Variants in ZDHHC17 observed in about 807,000 individuals in gnomAD.
ZDHHC17 encodes the protein zDHHC palmitoyltransferase 17.
In ZDHHC17, 40 loss-of-function variants were observed where a neutral mutation model predicts 90.3. The observed-to-expected ratio is 0.44, with a 90% CI of 0.34 to 0.58. The LOEUF is 0.58. ZDHHC17 is among the 20% of genes least tolerant of loss of function. The probability of loss-of-function intolerance (pLI) is 0.01; values close to 1 mark genes in which losing one functional copy is unlikely to be tolerated. For missense variants in ZDHHC17, 614 were observed against 780.8 expected (o/e 0.79, Z 2.55); for synonymous variants, 235 against 252.4 (o/e 0.93, Z 0.65).
At chr12:76,779,410 C>CCTT (rs1175443196) in intron 1 of ZDHHC17, among the ~76,000 whole-genome samples, 2 of 152,104 alleles carry the variant, frequency 1.3e-5, no homozygotes, top group East Asian at 3.9e-4. Context: ...CAAGGAGGAG[C>CCTT]AAAGTCACGT....
chr12:76,820,396 T>C (rs1020035718), intron 7 of ZDHHC17, among the ~76,000 whole-genome samples: 10 of 152,324 alleles, frequency 6.6e-5, no homozygotes, highest in Middle Eastern at 3.4e-3. Context: ...TGGTAGTATC[T>C]CATTTGTGAT....
At chr12:76,825,906 C>A (rs941277957) in intron 8 of ZDHHC17, among the ~76,000 whole-genome samples, 1 of 152,070 alleles carries the variant, frequency 6.6e-6, no homozygotes, top group Non-Finnish European at 1.5e-5. Context: ...CTTGACTTCC[C>A]TGGGCTCAGG....
At chr12:76,801,391 T>G (rs547911159) in intron 2 of ZDHHC17, among the ~76,000 whole-genome samples, 51 of 151,766 alleles carry the variant, frequency 3.4e-4, no homozygotes, top group Middle Eastern at 3.4e-3. Context: ...CGGTGGCTCA[T>G]GCCTGTAATC....
In ZDHHC17 at chr12:76,806,479, A is replaced by C. The variant is rs116530809; in HGVS notation, c.320+1040A>C. Among the ~76,000 whole-genome samples the C allele has an allele frequency of 3.2e-3, 490 of 152,250 alleles. 1 individual carries two copies. Among genetic ancestry groups the C allele is most frequent in the African/African-American group, 0.011 (467 of 41,532 alleles). ...ATTCAAGGACCAGAGGGTTTAAATG[A>C]AAATGAAATATAGGCCTGCGCCTAT... On this transcript the variant is annotated intron_variant, in intron 3 of 16. Transcript: ENST00000426126.
At chr12:76,786,269 A>AT (rs1484289618) in intron 1 of ZDHHC17, among the ~76,000 whole-genome samples, 1 of 151,432 alleles carries the variant, frequency 6.6e-6, no homozygotes, top group South Asian at 2.1e-4. Flanking sequence ...AGCCTGGCTA[A>AT]TTTTTTTTAT....
intron 1 of ZDHHC17, among the ~76,000 whole-genome samples, chr12:76,785,353 A>AT (rs1044712593): frequency 3.3e-5 from 5 of 151,800 alleles, no homozygotes; most frequent in Non-Finnish European, 5.9e-5. Context: ...TTTTGATTCC[A>AT]TTTTTTTTGC....
At chr12:76,764,575 A>AG (rs1367293603) in intron 1 of ZDHHC17, 1 of 568,678 alleles carries the variant, frequency 1.8e-6, no homozygotes, top group South Asian at 2.0e-5. Context: ...ACAGAGGTGG[A>AG]GGTGTTGATG....
intron 1 of ZDHHC17, among the ~76,000 whole-genome samples, chr12:76,768,501 C>T (rs1057069615): frequency 1.3e-5 from 2 of 152,170 alleles, no homozygotes; most frequent in African/African-American, 4.8e-5. Context: ...CATATGTTTT[C>T]CAGAAGGTAA....
chr12:76,805,312 T>C lies in ZDHHC17; in HGVS notation c.198-5T>C. The C allele has an allele frequency of 1.9e-6, 3 of 1,588,988 alleles. No individual in the cohort carries two copies. The highest frequency in any genetic ancestry group is 8.6e-7 in the Non-Finnish European group (1 of 1,165,510). On this transcript the variant is annotated splice_polypyrimidine_tract_variant and splice_region_variant and intron_variant, in intron 2 of 16. Transcript: ENST00000426126. Reference sequence around the variant, plus strand: ...TAACAATGCCATATTTTCTTTCTTTTCTAGATATGGAATATATGAACGCTG... The same window carrying C: ...TAACAATGCCATATTTTCTTTCTTTCCTAGATATGGAATATATGAACGCTG...
At chr12:76,797,070 C>A (rs1217147899) in intron 1 of ZDHHC17, among the ~76,000 whole-genome samples, 2 of 151,954 alleles carry the variant, frequency 1.3e-5, no homozygotes, top group Non-Finnish European at 2.9e-5. Context: ...GGAGACCATC[C>A]TGGCTAACAT....
At chr12:76,821,482 C>T (rs1022275766) in intron 7 of ZDHHC17, among the ~76,000 whole-genome samples, 1 of 151,896 alleles carries the variant, frequency 6.6e-6, no homozygotes, top group Non-Finnish European at 1.5e-5. Context: ...CTCTTTATTG[C>T]TTTATTCTTT....
At chr12:76,821,099 C>T (rs1255654202) in intron 7 of ZDHHC17, 2 of 1,288,880 alleles carry the variant, frequency 1.6e-6, no homozygotes, top group Non-Finnish European at 2.0e-6. Flanking sequence ...GGAAGGGATG[C>T]TCAGCTGGAC....
chr12:76,829,720 C>G (rs1388123278), intron 10 of ZDHHC17, among the ~76,000 whole-genome samples: 1 of 152,114 alleles, frequency 6.6e-6, no homozygotes, highest in East Asian at 1.9e-4. Flanking sequence ...CTTCTCACCT[C>G]TTTTGCCTTC....
At position 76,828,435 on chromosome 12, in the gene ZDHHC17, A is replaced by T; in HGVS notation, c.1086A>T (p.Ile362=). 6.2e-7 allele frequency: 1 copy of T among 1,613,318 alleles called. No homozygotes were observed. The highest frequency in any genetic ancestry group is 8.5e-7 in the Non-Finnish European group (1 of 1,179,554). Residue 362 remains isoleucine, a synonymous_variant, in exon 10 of 17, where the codon ATA becomes ATT. Coordinates refer to ENST00000426126, the MANE Select transcript of ZDHHC17 (RefSeq NM_015336.4). The stretch of plus-strand genomic sequence containing the variant: ...TGCATAGTGCATTGCCCCTTGGGAT[A>T]TATTTGGCAACCAAATTCTGGATGT... ...HSMHSALPLG[I]YLATKFWMYV...
chr12:76,830,120 A>G (rs1467646960), intron 10 of ZDHHC17, among the ~76,000 whole-genome samples: 1 of 152,232 alleles, frequency 6.6e-6, no homozygotes, highest in Non-Finnish European at 1.5e-5. Flanking sequence ...AGACTGATTT[A>G]TTGTAATAAA....
chr12:76,848,454 T>TA, intron 15 of ZDHHC17, 64 bp downstream of exon 15: 3 of 1,494,108 alleles, frequency 2.0e-6, no homozygotes, highest in Non-Finnish European at 2.8e-6. Flanking sequence ...GCATAAAAGA[T>TA]AATAATATAT....
At chr12:76,793,968 C>G (rs1238546156) in intron 1 of ZDHHC17, among the ~76,000 whole-genome samples, 4 of 152,154 alleles carry the variant, frequency 2.6e-5, no homozygotes, top group Non-Finnish European at 5.9e-5. Flanking sequence ...TCACTGCAAG[C>G]TCCACCTCCT....
chr12:76,849,674 T>A, intron 16 of ZDHHC17: 1 of 366,204 alleles, frequency 2.7e-6, no homozygotes, highest in Non-Finnish European at 4.8e-6. Context: ...CTCCTTATAT[T>A]TTTTTCTTTT....
intron 1 of ZDHHC17, among the ~76,000 whole-genome samples, chr12:76,789,310 A>C (rs1180759454): frequency 6.6e-6 from 1 of 152,200 alleles, no homozygotes; most frequent in Non-Finnish European, 1.5e-5. Context: ...CTCTGTCCTA[A>C]GCACTGGACA....
Sources: gnomAD v4.1 joint callset for allele counts (sites outside exome capture counted in the v4.1 genomes callset) on GRCh38, gnomAD v4.1.1 for gene constraint, MANE v1.5 for transcripts, NCBI Gene and HGNC (gene_info 2026-07-23, HGNC 2026-07-21) for gene names.